CDH12: variants seen among roughly 807,000 people sequenced by gnomAD.
The protein encoded by CDH12 is cadherin 12.
Under a neutral mutation model 74.1 loss-of-function variants are expected in CDH12, and 41 were observed. The ratio of observed to expected loss-of-function variants is 0.55; its 90% CI spans 0.43 to 0.72. CDH12 has a LOEUF of 0.72. Ranked by LOEUF, CDH12 falls within the 30% of genes least tolerant of loss-of-function variation. The pLI is 0.00. For synonymous variants in CDH12, 399 were observed against 355.0 expected (o/e 1.12, Z -1.39); for missense variants, 945 against 977.2 (o/e 0.97, Z 0.44).
intron 5 of CDH12, among the ~76,000 whole-genome samples, chr5:22,039,395 C>T (rs1010049795): frequency 1.2e-4 from 18 of 152,052 alleles, no homozygotes; most frequent in African/African-American, 4.3e-4. Flanking sequence ...AATCTACATC[C>T]AACTTTGCCT....
intron 3 of CDH12, among the ~76,000 whole-genome samples, chr5:22,358,374 C>G (rs1207603906): frequency 6.6e-6 from 1 of 151,944 alleles, no homozygotes; most frequent in Non-Finnish European, 1.5e-5. Context: ...TCCCACTGCA[C>G]TCCACTCCAG....
chr5:22,560,606 C>T (rs1368950518), intron 1 of CDH12, among the ~76,000 whole-genome samples: 1 of 151,080 alleles, frequency 6.6e-6, no homozygotes, highest in African/African-American at 2.4e-5. Flanking sequence ...TAAATATTTG[C>T]AATATTTAAA....
chr5:22,663,305 T>A (rs1453471916), intron 1 of CDH12, among the ~76,000 whole-genome samples: 1 of 152,176 alleles, frequency 6.6e-6, no homozygotes, highest in African/African-American at 2.4e-5. Flanking sequence ...CACATCATGC[T>A]CCCGAGGAGG....
chr5:22,842,565 T>C (rs1041621922), intron 1 of CDH12, among the ~76,000 whole-genome samples: 7 of 152,132 alleles, frequency 4.6e-5, no homozygotes, highest in Non-Finnish European at 1.5e-5. Flanking sequence ...ATTGGTGTTG[T>C]AGGCCAAGAG....
At chr5:21,865,248 C>A (rs376297029) in intron 6 of CDH12, among the ~76,000 whole-genome samples, 1 of 152,102 alleles carries the variant, frequency 6.6e-6, no homozygotes, top group Non-Finnish European at 1.5e-5. Flanking sequence ...GATTTAAAGA[C>A]AGAACTTAAA....
intron 1 of CDH12, among the ~76,000 whole-genome samples, chr5:22,801,722 A>G (rs1206990382): frequency 7.2e-6 from 1 of 139,242 alleles, no homozygotes; most frequent in African/African-American, 2.6e-5. Context: ...AAGATTTTAA[A>G]TGTTATATCT....
intron 1 of CDH12, among the ~76,000 whole-genome samples, chr5:22,566,149 G>T (rs913510882): frequency 6.6e-6 from 1 of 151,836 alleles, no homozygotes; most frequent in African/African-American, 2.4e-5. Flanking sequence ...ATATCGTAAG[G>T]GCCTGTCACC....
At chr5:22,830,325 C>T (rs1354372879) in intron 1 of CDH12, among the ~76,000 whole-genome samples, 3 of 151,878 alleles carry the variant, frequency 2.0e-5, no homozygotes, top group African/African-American at 7.3e-5. Flanking sequence ...TATAAAAACC[C>T]TAAAATTAGC....
intron 4 of CDH12, among the ~76,000 whole-genome samples, chr5:22,101,864 T>G (rs1744155947): frequency 6.6e-6 from 1 of 152,186 alleles, no homozygotes; most frequent in Non-Finnish European, 1.5e-5. Context: ...GTACACATTT[T>G]AGGCTTTGTG....
chr5:22,838,975 C>A (rs752820017), intron 1 of CDH12, among the ~76,000 whole-genome samples: 1 of 152,166 alleles, frequency 6.6e-6, no homozygotes. Context: ...CTGTGCCCAG[C>A]CTTAAAATGT....
At chr5:22,397,320 C>G (rs1742499952) in intron 3 of CDH12, among the ~76,000 whole-genome samples, 1 of 152,066 alleles carries the variant, frequency 6.6e-6, no homozygotes, top group African/African-American at 2.4e-5. Context: ...AATGTCTGTC[C>G]CATGAACACA....
chr5:22,573,765 T>C (rs985655017), intron 1 of CDH12, among the ~76,000 whole-genome samples: 1 of 152,166 alleles, frequency 6.6e-6, no homozygotes, highest in African/African-American at 2.4e-5. Context: ...TTAGATAAGC[T>C]TCTTGAATTT....
chr5:22,356,613 G>T (rs1740572043), intron 3 of CDH12, among the ~76,000 whole-genome samples: 1 of 152,092 alleles, frequency 6.6e-6, no homozygotes, highest in Non-Finnish European at 1.5e-5. Context: ...ACATATGGAA[G>T]ACTGAGTCTT....
At chr5:22,396,030 A>C (rs1262169849) in intron 3 of CDH12, among the ~76,000 whole-genome samples, 1 of 150,992 alleles carries the variant, frequency 6.6e-6, no homozygotes, top group Non-Finnish European at 1.5e-5. Flanking sequence ...ATATTACAGA[A>C]GTTGATTCAT....
intron 6 of CDH12, among the ~76,000 whole-genome samples, chr5:21,866,821 G>T (rs1179132103): frequency 6.6e-6 from 1 of 152,176 alleles, no homozygotes; most frequent in Admixed American, 6.5e-5. Context: ...TCCAGGGCAT[G>T]TCAGAGACCT....
chr5:22,311,826 A>G (rs1162447624), intron 3 of CDH12, among the ~76,000 whole-genome samples: 1 of 151,888 alleles, frequency 6.6e-6, no homozygotes, highest in Non-Finnish European at 1.5e-5. Flanking sequence ...AATTTTGCAT[A>G]CCTCACACAG....
At chr5:22,428,755 C>T (rs1378508225) in intron 2 of CDH12, among the ~76,000 whole-genome samples, 2 of 152,136 alleles carry the variant, frequency 1.3e-5, no homozygotes, top group East Asian at 1.9e-4. Context: ...CTGGCCCAGT[C>T]GTCAATCTAC....
At chr5:22,110,529 C>G (rs763913766) in intron 4 of CDH12, among the ~76,000 whole-genome samples, 1 of 151,558 alleles carries the variant, frequency 6.6e-6, no homozygotes, top group Non-Finnish European at 1.5e-5. Flanking sequence ...ACAGTGCAAT[C>G]ATAGGGTTGT....
chr5:22,483,770 A>ATATATATATAT (rs1400461763), intron 2 of CDH12, among the ~76,000 whole-genome samples: 133 of 100,918 alleles, frequency 1.3e-3, no homozygotes, highest in East Asian at 1.9e-3. Flanking sequence ...ATATAAATTT[A>ATATATATATAT]ATTAATTGGG....
Sources: allele counts gnomAD v4.1 joint callset (sites outside exome capture counted in the v4.1 genomes callset), GRCh38; gene constraint gnomAD v4.1.1; transcripts MANE v1.5; gene names NCBI Gene and HGNC (gene_info 2026-07-23, HGNC 2026-07-21).